The following PNPLA6 variants were observed in gnomAD, a reference collection of about 807,000 sequenced individuals.
The protein encoded by PNPLA6 is patatin like domain 6, lysophospholipase.
PNPLA6 carries 105 observed loss-of-function variants against 153.7 expected under a neutral mutation model. The ratio of observed to expected loss-of-function variants is 0.68; its 90% confidence interval spans 0.58 to 0.80. The LOEUF (loss-of-function observed/expected upper bound fraction) is 0.80. Ranked by LOEUF, PNPLA6 falls within the 30% of genes least tolerant of loss-of-function variation. PNPLA6 has a pLI of 0.00. For missense variants in PNPLA6, 1,423 were observed against 1,919.3 expected, an observed-to-expected ratio of 0.74 and a Z score of 4.83; for synonymous variants, 825 against 822.2, an observed-to-expected ratio of 1.00 and a Z score of -0.06.
upstream of PNPLA6, chr19:7,534,600 C>T (rs1045630515): frequency 6.5e-6 from 1 of 153,766 alleles, no homozygotes; most frequent in East Asian, 1.9e-4. Context: ...ACGCCCTCCC[C>T]AGGCCCGCTC....
chr19:7,540,411 G>T lies in PNPLA6; in HGVS notation c.714+103G>T. 3.8e-6 allele frequency: 5 copies of T among 1,322,388 alleles called. No homozygotes were observed. Among genetic ancestry groups the T allele is most frequent in the Non-Finnish European group, 5.2e-6 (5 of 959,982 alleles). 81.9% of individuals were successfully genotyped at this position (1,322,388 alleles called of 1,614,324 possible). On this transcript the variant is annotated intron_variant, in intron 5 of 31. Transcript: ENST00000600737. This position sits in a 1 kb window ranked among gnomAD's most constrained non-coding sequence, Gnocchi z 6.8. ...GTGGTCTTTGGAGATGCGTCATCGG[G>T]AGTCAGGGGAACGGGTGACCGAGGA...
At chr19:7,550,226 G>C in intron 14 of PNPLA6, 72 bp from the exon 15 acceptor site, 1 of 1,609,602 alleles carries the variant, frequency 6.2e-7, no homozygotes, top group South Asian at 1.1e-5. Flanking sequence ...GGAGCCCCCA[G>C]ATCTGGCCTC....
At chr19:7,545,640 G>A (rs573360364) in intron 13 of PNPLA6, among the ~76,000 whole-genome samples, 47 of 152,076 alleles carry the variant, frequency 3.1e-4, no homozygotes, top group South Asian at 6.2e-4. Context: ...GGCTGGGCAC[G>A]GTGGCTCACG....
In PNPLA6 at chr19:7,553,864, G is replaced by A. The variant is rs1211039787; in HGVS notation, c.2261-11G>A. The stretch of plus-strand genomic sequence containing the variant: ...TCGCACCACAAATCTCATCCATTGG[G>A]TTCTTAGCAGGCTCTGGGTTGGGTG... On this transcript the variant is annotated splice_polypyrimidine_tract_variant and intron_variant, in intron 18 of 31. Coordinates refer to ENST00000600737, the MANE Select transcript of PNPLA6 (RefSeq NM_001166114.2). 6.2e-7 allele frequency: 1 copy of A among 1,614,212 alleles called. No individual in the cohort carries two copies. Among genetic ancestry groups the A allele is most frequent in the Admixed American group, 1.7e-5 (1 of 60,020 alleles).
intron 18 of PNPLA6, among the ~76,000 whole-genome samples, chr19:7,552,608 A>T (rs1266241067): frequency 6.6e-6 from 1 of 151,884 alleles, no homozygotes; most frequent in East Asian, 1.9e-4. Flanking sequence ...TACAAAAATT[A>T]GTCGGGTGTG....
intron 3 of PNPLA6, 24 bp from the exon 4 acceptor site, chr19:7,539,894 C>T: frequency 6.6e-7 from 1 of 1,509,518 alleles, no homozygotes; most frequent in Non-Finnish European, 8.9e-7. Context: ...CCCCTCACCC[C>T]CGGCACCCCT....
At chr19:7,535,607 G>A, upstream of PNPLA6, 1 of 1,595,228 alleles carries the variant, frequency 6.3e-7, no homozygotes, top group South Asian at 1.1e-5. The surrounding 1 kb of genome is among the most constrained non-coding windows in gnomAD (Gnocchi z 5.0). Flanking sequence ...CCGGGTAGGT[G>A]CCGGCGTGGG....
At chr19:7,556,608 C>T (rs773298768) in intron 25 of PNPLA6, 39 bp downstream of exon 25, 11 of 1,578,444 alleles carry the variant, frequency 7.0e-6, no homozygotes, top group East Asian at 4.5e-5. Context: ...TACCCCTCCC[C>T]GGAGGAGCCC....
chr19:7,561,390 G>A (rs775968496), intron 31 of PNPLA6, 73 bp downstream of exon 31: 24 of 1,426,174 alleles, frequency 1.7e-5, no homozygotes, highest in African/African-American at 2.8e-5. Flanking sequence ...CAGGGGAGCC[G>A]GGGGCGTATT....
intron 28 of PNPLA6, among the ~76,000 whole-genome samples, chr19:7,560,304 A>G (rs936966829): frequency 2.4e-4 from 36 of 152,096 alleles, no homozygotes; most frequent in Non-Finnish European, 4.4e-4. Flanking sequence ...GAAATTCAAG[A>G]TGTTTGCTGT....
At chr19:7,550,144 C>T in intron 14 of PNPLA6, 32 bp downstream of exon 14, 1 of 1,612,170 alleles carries the variant, frequency 6.2e-7, no homozygotes, top group East Asian at 2.2e-5. Context: ...GTGTGGGTGG[C>T]ACTCGGAGGA....
intron 26 of PNPLA6, 72 bp downstream of exon 26, chr19:7,556,796 C>T (rs2023897672): frequency 8.1e-6 from 9 of 1,112,698 alleles, no homozygotes; most frequent in Non-Finnish European, 1.2e-5. Flanking sequence ...CCGGGAGGGC[C>T]GCTGAGCTTC....
chr19:7,535,319 G>C (rs2022796930), upstream of PNPLA6: 1 of 621,306 alleles, frequency 1.6e-6, no homozygotes, highest in African/African-American at 1.8e-5. This position sits in a 1 kb window ranked among gnomAD's most constrained non-coding sequence, Gnocchi z 5.0. Flanking sequence ...CTCCTGGCCA[G>C]GGCCGAGAGG....
rs368578158 is a variant in PNPLA6 at position 7,535,903 on chromosome 19, G to T, written c.115G>T (p.Gly39Cys). 12 of 1,555,010 alleles carry T rather than the reference G, an allele frequency of 7.7e-6. 1 individual carries two copies. The African/African-American group carries it at 1.3e-4, about 17-fold the overall frequency. ...PGEGSAGRIC[G>C]AQPVPFVPQV... ...GGAAGGCTCGGCGGGACGGATTTGC[G>T]GTGCGCAGCCAGTGCCGTTCGTCCC... The change falls in exon 1 of 32, where the codon GGT (glycine) becomes TGT (cysteine). Residue 39 changes from glycine (G) to cysteine (C), a missense_variant. This residue lies in a region of PNPLA6 where 109 missense variants were observed against 109.4 expected (regional missense o/e 1.00). Coordinates refer to ENST00000600737, the MANE Select transcript of PNPLA6 (RefSeq NM_001166114.2). This position sits in a 1 kb window ranked among gnomAD's most constrained non-coding sequence, Gnocchi z 5.0.
rs964643104 is a variant in PNPLA6 at position 7,541,257 on chromosome 19, C to T, written c.925-97C>T. On this transcript the variant is annotated intron_variant, in intron 7 of 31. Coordinates refer to ENST00000600737, the MANE Select transcript of PNPLA6 (RefSeq NM_001166114.2). This position sits in a 1 kb window ranked among gnomAD's most constrained non-coding sequence, Gnocchi z 5.2. Reference sequence around the variant, plus strand: ...CAGACTGTGGGTCTCTCCCTGGTTCCCGCCCGACCCCTTATGCTGCGAACT... The same window carrying T: ...CAGACTGTGGGTCTCTCCCTGGTTCTCGCCCGACCCCTTATGCTGCGAACT... 1.3e-4 allele frequency: 159 copies of T among 1,206,860 alleles called. No homozygotes were observed. Among genetic ancestry groups the T allele is most frequent in the Non-Finnish European group, 1.5e-4 (123 of 836,392 alleles). The allele number at this position is 1,206,860 out of a possible 1,614,324, so 74.8% of individuals were successfully genotyped here. A position where few individuals can be genotyped will look rare whatever the true frequency, so the allele number is the denominator to read the frequency against.
At chr19:7,554,494 C>A in intron 20 of PNPLA6, 61 bp from the exon 21 acceptor site, 3 of 1,585,428 alleles carry the variant, frequency 1.9e-6, no homozygotes, top group South Asian at 2.2e-5. Flanking sequence ...GCTATGTGGT[C>A]TCGGGGAGCA....
chr19:7,557,189 G>A lies in PNPLA6; in HGVS notation c.3302G>A (p.Arg1101His), dbSNP rs777615874. 6.8e-6 allele frequency: 11 copies of A among 1,612,678 alleles called. No individual in the cohort carries two copies. Among genetic ancestry groups the A allele is most frequent in the East Asian group, 6.7e-5 (3 of 44,874 alleles). The change falls in exon 27 of 32, where the codon CGC (arginine) becomes CAC (histidine). Residue 1101 changes from arginine (R) to histidine (H), a missense_variant. Around this residue, in one of 10 missense-constraint regions of PNPLA6, gnomAD observed 643 missense variants for 835.2 expected, o/e 0.77. Coordinates refer to ENST00000600737, the MANE Select transcript of PNPLA6 (RefSeq NM_001166114.2). ...HKDGSLWRYV[R>H]ASMTLSGYLP... ...GCAGGCTCCCTGTGGCGGTACGTGC[G>A]CGCCAGCATGACGCTGTCGGGCTAC...
Position 7,561,229 on chromosome 19 carries a change from CAG to C in PNPLA6, c.3938_3939del (p.Glu1313ValfsTer2). The C allele has an allele frequency of 2.5e-6, 4 of 1,610,310 alleles. No individual in the cohort carries two copies. Among genetic ancestry groups the C allele is most frequent in the Admixed American group, 1.7e-5 (1 of 59,224 alleles). On this transcript the variant is annotated frameshift_variant, in exon 31 of 32. Coordinates refer to ENST00000600737, the MANE Select transcript of PNPLA6 (RefSeq NM_001166114.2). LOFTEE classifies it high-confidence loss of function. ...CCAGGAGAGGAGTCAGATTGTCTGACAGAGTATGAGGAGGACGCCGGACCCGA... is the reference window on the plus strand; with the variant it reads ...CCAGGAGAGGAGTCAGATTGTCTGACAGTATGAGGAGGACGCCGGACCCGA...
rs1190085543 is a variant in PNPLA6 at position 7,536,098 on chromosome 19, G to A, written c.232+78G>A. On this transcript the variant is annotated intron_variant, in intron 1 of 31. Coordinates refer to ENST00000600737, the MANE Select transcript of PNPLA6 (RefSeq NM_001166114.2). Reference sequence around the variant, plus strand: ...GCCCGGGTCCCGAGGCGGCAGAGATGGGGATTTGCTGGCGTCTGTTCGCGG... The same window carrying A: ...GCCCGGGTCCCGAGGCGGCAGAGATAGGGATTTGCTGGCGTCTGTTCGCGG... The A allele has an allele frequency of 7.0e-6, 11 of 1,568,260 alleles. No individual in the cohort carries two copies. In the East Asian group the frequency reaches 1.3e-4, roughly 19 times the overall value.
Sources: allele counts gnomAD v4.1 joint callset (sites outside exome capture counted in the v4.1 genomes callset), GRCh38; gene constraint gnomAD v4.1.1; regional missense constraint gnomAD v4.1.1; non-coding constraint Gnocchi (gnomAD v3.1); transcripts MANE v1.5; gene names NCBI Gene and HGNC (gene_info 2026-07-23, HGNC 2026-07-21).